USP14: variants seen among roughly 807,000 people sequenced by gnomAD.
The protein encoded by USP14 is ubiquitin specific peptidase 14, also known as ubiquitin carboxyl-terminal hydrolase 14.
A neutral mutation model predicts 76.5 loss-of-function variants in USP14; 38 were observed. That is an observed-to-expected ratio of 0.50 (90% CI 0.38 to 0.65). The LOEUF (loss-of-function observed/expected upper bound fraction) is 0.65. USP14 is among the 30% of genes least tolerant of loss of function. The probability of loss-of-function intolerance (pLI) is 0.00; values close to 1 mark genes in which losing one functional copy is unlikely to be tolerated. For missense variants in USP14, 467 were observed against 586.5 expected (o/e 0.80, Z 2.10); for synonymous variants, 192 against 191.7 (o/e 1.00, Z -0.01).
At chr18:200,780 GTTTAT>G (rs150097778) in intron 10 of USP14, among the ~76,000 whole-genome samples, 6 of 151,960 alleles carry the variant, frequency 3.9e-5, no homozygotes, top group African/African-American at 1.2e-4. Flanking sequence ...AATTAGGATT[GTTTAT>G]TTTATTTTAT....
chr18:207,859 T>C (rs1910569852), intron 13 of USP14, among the ~76,000 whole-genome samples: 1 of 152,192 alleles, frequency 6.6e-6, no homozygotes, highest in South Asian at 2.1e-4. Context: ...GGCATTCCTT[T>C]CTTAATTTCA....
rs1909705533 is a variant in USP14, at chr18:178,961, C to T, written c.224C>T (p.Ala75Val). 1 of 1,612,846 alleles carries T rather than the reference C, an allele frequency of 6.2e-7. No individual in the cohort carries two copies. Among genetic ancestry groups the T allele is most frequent in the African/African-American group, 1.3e-5 (1 of 74,830 alleles). ...NGMTLLMMGS[A>V]DALPEEPSAK... ...ATGACTCTACTAATGATGGGGTCAG[C>T]AGATGCTCTTCCAGAAGAACCCTCA... The change falls in exon 4 of 16, where the codon GCA becomes GTA. Residue 75 changes from alanine to valine, a missense_variant. Ala to Val is a moderately conservative substitution (Grantham distance 64, BLOSUM62 0). Coordinates refer to ENST00000261601, the MANE Select transcript of USP14 (RefSeq NM_005151.4).
chr18:168,222 G>C (rs1018525273), intron 3 of USP14, among the ~76,000 whole-genome samples: 2 of 151,846 alleles, frequency 1.3e-5, no homozygotes, highest in African/African-American at 4.8e-5. Flanking sequence ...CACCGCACCC[G>C]GCCAAAATAC....
intron 3 of USP14, among the ~76,000 whole-genome samples, chr18:170,844 C>T (rs765722609): frequency 4.6e-5 from 7 of 151,428 alleles, no homozygotes; most frequent in Non-Finnish European, 7.4e-5. Flanking sequence ...ACAGCACACA[C>T]GGGGGCCTGT....
At chr18:209,907 TACAG>T in intron 13 of USP14, 60 bp from the exon 14 acceptor site, 2 of 1,288,714 alleles carry the variant, frequency 1.6e-6, no homozygotes, top group Non-Finnish European at 1.1e-6. Flanking sequence ...ATTGAACACT[TACAG>T]AGAATTCAAA....
chr18:196,392 C>T lies in USP14; in HGVS notation c.464-245C>T, dbSNP rs139399909. The T allele has an allele frequency of 3.8e-3, 1,048 of 276,474 alleles. 11 individuals are homozygous for T. Among genetic ancestry groups the T allele is most frequent in the African/African-American group, 0.022 (983 of 44,516 alleles). 17.1% of individuals were successfully genotyped at this position (276,474 alleles called of 1,614,324 possible). ...ACAAAAAATTAGCCGGGAATGGTGG[C>T]GTGTGCCTGTAATCCCAGCTACTCT... On this transcript the variant is annotated intron_variant, in intron 6 of 15. Coordinates refer to ENST00000261601, the MANE Select transcript of USP14 (RefSeq NM_005151.4).
chr18:192,482 T>G (rs184175460), intron 5 of USP14, among the ~76,000 whole-genome samples: 3 of 152,266 alleles, frequency 2.0e-5, no homozygotes, highest in Non-Finnish European at 4.4e-5. Flanking sequence ...GAGAAATTGC[T>G]TGAACCCAGG....
chr18:178,896 T>C lies in USP14; in HGVS notation c.196-37T>C, dbSNP rs569638708. The C allele has an allele frequency of 7.2e-6, 11 of 1,523,974 alleles. No homozygotes were observed. The African/African-American group carries it at 1.1e-4, about 15-fold the overall frequency. 94.4% of individuals were successfully genotyped at this position (1,523,974 alleles called of 1,614,324 possible). On this transcript the variant is annotated intron_variant, in intron 3 of 15. Transcript: ENST00000261601. ...GGTTTGACATAAACATTACCAACTT[T>C]TAAGGATTTTCATGAAATTACTTTT...
intron 2 of USP14, among the ~76,000 whole-genome samples, chr18:165,343 G>A (rs1427088511): frequency 6.6e-6 from 1 of 152,150 alleles, no homozygotes; most frequent in African/African-American, 2.4e-5. Context: ...TAGAGATAAA[G>A]ACAGGCTACC....
intron 5 of USP14, among the ~76,000 whole-genome samples, chr18:185,061 G>A (rs560425100): frequency 1.3e-5 from 2 of 152,020 alleles, no homozygotes; most frequent in Admixed American, 6.6e-5. Flanking sequence ...TCACATGGCC[G>A]TATCTGTTGT....
intron 3 of USP14, among the ~76,000 whole-genome samples, chr18:173,985 G>T (rs1286036111): frequency 1.3e-5 from 2 of 152,100 alleles, no homozygotes; most frequent in Non-Finnish European, 2.9e-5. Context: ...AAATCAGGTC[G>T]TCTAAGTCTT....
intron 4 of USP14, among the ~76,000 whole-genome samples, chr18:179,339 T>C (rs1369993226): frequency 6.6e-6 from 1 of 152,120 alleles, no homozygotes; most frequent in Non-Finnish European, 1.5e-5. Flanking sequence ...CTGTAATAAA[T>C]ATGTTCCTGG....
At chr18:171,025 A>AAAAAATATATATATATATATATATATAT (rs1327304974) in intron 3 of USP14, among the ~76,000 whole-genome samples, 6 of 47,650 alleles carry the variant, frequency 1.3e-4, no homozygotes, top group African/African-American at 4.4e-4. Flanking sequence ...AAAAAAAAAA[A>AAAAAATATATATATATATATATATATAT]ATATATATAT....
At chr18:207,371 C>T (rs1037144832) in intron 13 of USP14, among the ~76,000 whole-genome samples, 1 of 144,860 alleles carries the variant, frequency 6.9e-6, no homozygotes, top group South Asian at 2.3e-4. Context: ...GGGGATTACA[C>T]GGAATCTGTG....
At chr18:182,345 A>G (rs1225505090) in intron 5 of USP14, among the ~76,000 whole-genome samples, 1 of 152,224 alleles carries the variant, frequency 6.6e-6, no homozygotes, top group Non-Finnish European at 1.5e-5. Context: ...TTTGGATTCT[A>G]GACAGCTTTA....
Position 208,988 on chromosome 18 carries a change from C to T in USP14, c.1165-983C>T, listed in dbSNP as rs139817036. On this transcript the variant is annotated intron_variant, in intron 13 of 15. Transcript: ENST00000261601. ...CTCGAGCTCCTGATCTCAAGTGATCCACTCGCCCCGGCGTAAGCCACTATA... is the reference window on the plus strand; with the variant it reads ...CTCGAGCTCCTGATCTCAAGTGATCTACTCGCCCCGGCGTAAGCCACTATA... 1.8e-3 allele frequency among the ~76,000 whole-genome samples: 274 copies of T among 152,306 alleles called. 1 individual carries two copies. Among genetic ancestry groups the T allele is most frequent in the African/African-American group, 6.2e-3 (259 of 41,570 alleles).
chr18:170,568 C>G (rs1330058323), intron 3 of USP14, among the ~76,000 whole-genome samples: 1 of 152,132 alleles, frequency 6.6e-6, no homozygotes, highest in African/African-American at 2.4e-5. Flanking sequence ...AATGAACACA[C>G]AAGTGATAAA....
chr18:165,816 T>G (rs1416055816), intron 2 of USP14, among the ~76,000 whole-genome samples: 2 of 152,166 alleles, frequency 1.3e-5, no homozygotes, highest in African/African-American at 4.8e-5. Flanking sequence ...GAAGGGCCTT[T>G]AGGAAGTTAC....
At chr18:197,988 G>T in intron 8 of USP14, 59 bp from the exon 9 acceptor site, 1 of 1,430,216 alleles carries the variant, frequency 7.0e-7, no homozygotes, top group Non-Finnish European at 9.5e-7. Context: ...TGGATTGTGT[G>T]GAAGAAAATC....
Sources: gnomAD v4.1 joint callset for allele counts (sites outside exome capture counted in the v4.1 genomes callset) on GRCh38, gnomAD v4.1.1 for gene constraint, MANE v1.5 for transcripts, NCBI Gene and HGNC (gene_info 2026-07-23, HGNC 2026-07-21) for gene names.